ATXN2L: variants seen among roughly 807,000 people sequenced by gnomAD.
ATXN2L encodes the protein ataxin-2-like protein.
In ATXN2L, 24 loss-of-function variants were observed where a neutral mutation model predicts 120.7. The observed-to-expected ratio is 0.20, with a 90% confidence interval of 0.14 to 0.28. The LOEUF is 0.28. Ranked by LOEUF, ATXN2L falls within the 10% of genes least tolerant of loss-of-function variation. The pLI is 1.00. For synonymous variants in ATXN2L, 653 were observed against 568.1 expected (o/e 1.15, Z -2.13); for missense variants, 1,312 against 1,432.3 (o/e 0.92, Z 1.36).
intron 15 of ATXN2L, 25 bp downstream of exon 15, chr16:28,833,533 A>G: frequency 6.2e-7 from 1 of 1,613,160 alleles, no homozygotes; most frequent in Non-Finnish European, 8.5e-7. Context: ...GAGAATGTGG[A>G]CTTTGGTTTC....
intron 7 of ATXN2L, 24 bp from the exon 8 acceptor site, chr16:28,829,834 G>T: frequency 6.2e-7 from 1 of 1,612,544 alleles, no homozygotes. Flanking sequence ...CTGGGATGGT[G>T]GTGGTCTGTG....
intron 6 of ATXN2L, among the ~76,000 whole-genome samples, chr16:28,827,988 C>G (rs529224845): frequency 1.3e-5 from 2 of 152,144 alleles, no homozygotes; most frequent in Non-Finnish European, 2.9e-5. Flanking sequence ...GCTTTTCTTG[C>G]CTTTTCGAAC....
intron 1 of ATXN2L, chr16:28,824,637 A>AATG: frequency 8.5e-7 from 1 of 1,175,034 alleles, no homozygotes; most frequent in South Asian, 1.4e-5. Context: ...GGCTGCTGAA[A>AATG]ATGATTGTCT....
chr16:28,830,870 G>A (rs1226132870), intron 9 of ATXN2L, 80 bp downstream of exon 9: 2 of 1,527,732 alleles, frequency 1.3e-6, no homozygotes, highest in African/African-American at 2.8e-5. Flanking sequence ...AGGGGTTTGG[G>A]TGTGTTGGAA....
intron 15 of ATXN2L, 32 bp downstream of exon 15, chr16:28,833,540 T>C: frequency 1.2e-6 from 2 of 1,610,302 alleles, no homozygotes; most frequent in Non-Finnish European, 1.7e-6. Flanking sequence ...TGGACTTTGG[T>C]TTCTGTGGGG....
intron 5 of ATXN2L, 50 bp downstream of exon 5, chr16:28,826,440 A>G (rs2052003563): frequency 1.9e-6 from 3 of 1,583,116 alleles, no homozygotes; most frequent in Non-Finnish European, 2.6e-6. Flanking sequence ...CATAGAGGAC[A>G]GAGGGTAGTT....
chr16:28,833,367 G>A lies in ATXN2L; in HGVS notation c.1955+13G>A, dbSNP rs548575621. On this transcript the variant is annotated intron_variant, in intron 14 of 21. Transcript: ENST00000336783. ...GCCCTGTTGCTGAGTGAGTGGAGCG[G>A]GGTGGGGCTCTGGGAGGATGGCAGG... 3.1e-6 allele frequency: 5 copies of A among 1,613,648 alleles called. No individual in the cohort carries two copies. The East Asian group carries it at 1.1e-4, about 36-fold the overall frequency.
chr16:28,831,001 G>C lies in ATXN2L; in HGVS notation c.1250G>C (p.Arg417Thr). ...TCCCCAAAGGCACAACGGCCTCTGAGAGGTGCCAAGACTCTGTCTTCGCCC... is the reference window on the plus strand; with the variant it reads ...TCCCCAAAGGCACAACGGCCTCTGACAGGTGCCAAGACTCTGTCTTCGCCC... ...RMSPKAQRPLRGAKTLSSPSN... is the reference protein window; with the variant it reads ...RMSPKAQRPLTGAKTLSSPSN... Residue 417 changes from arginine to threonine, a missense_variant, in exon 10 of 22, where the codon AGA becomes ACA. Physicochemically the swap from Arg to Thr is moderately conservative, Grantham distance 71. Coordinates refer to ENST00000336783, the MANE Select transcript of ATXN2L (RefSeq NM_007245.4). 6.2e-7 allele frequency: 1 copy of C among 1,603,950 alleles called. No homozygotes were observed. The highest frequency in any genetic ancestry group is 8.5e-7 in the Non-Finnish European group (1 of 1,178,032).
chr16:28,833,017 G>A (rs752145919), intron 13 of ATXN2L, 42 bp from the exon 14 acceptor site: 19 of 1,600,862 alleles, frequency 1.2e-5, no homozygotes, highest in Non-Finnish European at 1.5e-5. Context: ...GCCAGGACTA[G>A]GGTCTGGGTC....
Position 28,836,474 on chromosome 16 carries a change from G to A in ATXN2L, c.*209G>A. ...CTCTCAGTGACCCCGACTGTCTCCT[G>A]ACTTAGCCGAGGTAAGGTCAGTGCA... On this transcript the variant is annotated 3_prime_UTR_variant, in exon 22 of 22. Transcript: ENST00000336783. 6.2e-7 allele frequency: 1 copy of A among 1,611,088 alleles called. No homozygotes were observed. The highest frequency in any genetic ancestry group is 1.1e-5 in the South Asian group (1 of 90,756).
At chr16:28,827,046 G>A (rs2052348312) in intron 6 of ATXN2L, 60 bp downstream of exon 6, 1 of 1,352,550 alleles carries the variant, frequency 7.4e-7, no homozygotes, top group African/African-American at 1.5e-5. Flanking sequence ...TGTTGACAGT[G>A]AGGTTCATTT....
intron 5 of ATXN2L, 117 bp from the exon 6 acceptor site, chr16:28,826,745 A>T (rs966282979): frequency 4.7e-5 from 60 of 1,286,482 alleles, no homozygotes; most frequent in Middle Eastern, 2.0e-4. Context: ...GGGCACACGT[A>T]CTCTGGACTT....
In ATXN2L at chr16:28,836,885, C is replaced by G; in HGVS notation, c.*620C>G. The G allele has an allele frequency of 8.2e-7, 1 of 1,213,366 alleles. No homozygotes were observed. Among genetic ancestry groups the G allele is most frequent in the Non-Finnish European group, 1.2e-6 (1 of 846,870 alleles). 75.2% of individuals were successfully genotyped at this position (1,213,366 alleles called of 1,614,324 possible). On this transcript the variant is annotated 3_prime_UTR_variant, in exon 22 of 22. Transcript: ENST00000336783. ...TCCCAGCCCCCCATCCCCCCGTTCCCCAGGGGAGCTGGGGAATTCCTGCCA... is the reference window on the plus strand; with the variant it reads ...TCCCAGCCCCCCATCCCCCCGTTCCGCAGGGGAGCTGGGGAATTCCTGCCA...
At position 28,831,034 on chromosome 16, in the gene ATXN2L, G is replaced by T; in HGVS notation, c.1283G>T (p.Arg428Met). 1 of 1,611,756 alleles carries T rather than the reference G, an allele frequency of 6.2e-7. No individual in the cohort carries two copies. The change falls in exon 10 of 22, where the codon AGG becomes ATG. Residue 428 changes from arginine (R) to methionine (M), a missense_variant. Coordinates refer to ENST00000336783, the MANE Select transcript of ATXN2L (RefSeq NM_007245.4). ...AAGACTCTGTCTTCGCCCAGTAATA[G>T]GCCTTCTGGAGAAACTTCTGTTCCA... ...GAKTLSSPSN[R>M]PSGETSVPPP... is the part of the protein sequence containing the mutation.
In ATXN2L at chr16:28,826,743, G is replaced by A. The variant is rs117657326; in HGVS notation, c.617-119G>A. On this transcript the variant is annotated intron_variant, in intron 5 of 21. Transcript: ENST00000336783. ...TGGCCATCCTAACACACGGGCACAC[G>A]TACTCTGGACTTCTTAAACTTTGTT... is the stretch of plus-strand genomic sequence containing the variant. 1,828 of 1,266,148 alleles carry A rather than the reference G, an allele frequency of 1.4e-3. 39 individuals are homozygous for A. In the Admixed American group the frequency reaches 0.034, roughly 24 times the overall value. 78.4% of individuals were successfully genotyped at this position (1,266,148 alleles called of 1,614,324 possible).
chr16:28,823,216 C>G lies in ATXN2L; in HGVS notation c.-44C>G. 3.2e-6 allele frequency: 4 copies of G among 1,239,608 alleles called. No homozygotes were observed. Among genetic ancestry groups the G allele is most frequent in the Non-Finnish European group, 4.2e-6 (4 of 957,428 alleles). The allele number at this position is 1,239,608 out of a possible 1,614,324, so 76.8% of individuals were successfully genotyped here. A position where few individuals can be genotyped will look rare whatever the true frequency, so the allele number is the denominator to read the frequency against. ...AGCGGGGCCCCAGCCCCGGCCCCCTCTCTCCCTCCCTTCTCTCTAATTCCC... is the reference window on the plus strand; with the variant it reads ...AGCGGGGCCCCAGCCCCGGCCCCCTGTCTCCCTCCCTTCTCTCTAATTCCC... On this transcript the variant is annotated 5_prime_UTR_variant, in exon 1 of 22. Coordinates refer to ENST00000336783, the MANE Select transcript of ATXN2L (RefSeq NM_007245.4).
At chr16:28,827,574 A>G (rs1222362984) in intron 6 of ATXN2L, among the ~76,000 whole-genome samples, 2 of 152,128 alleles carry the variant, frequency 1.3e-5, no homozygotes, top group African/African-American at 2.4e-5. Context: ...ACTCTGAGGC[A>G]TTTAAAATCT....
At chr16:28,824,596 A>T (rs944298846) in intron 1 of ATXN2L, 2 of 1,242,272 alleles carry the variant, frequency 1.6e-6, no homozygotes, top group Non-Finnish European at 1.0e-6. Context: ...TGTGGAGGGG[A>T]TACCCCTCCT....
chr16:28,836,854 G>T lies in ATXN2L; in HGVS notation c.*589G>T. ...CTATGTCTCTTCCCCCAGCAGCTCGGACCACTCCCAGCCCCCCATCCCCCC... is the reference window on the plus strand; with the variant it reads ...CTATGTCTCTTCCCCCAGCAGCTCGTACCACTCCCAGCCCCCCATCCCCCC... On this transcript the variant is annotated 3_prime_UTR_variant, in exon 22 of 22. Transcript: ENST00000336783. The T allele has an allele frequency of 6.5e-7, 1 of 1,535,688 alleles. No individual in the cohort carries two copies. The highest frequency in any genetic ancestry group is 1.7e-4 in the Middle Eastern group (1 of 5,890).
Sources: allele counts gnomAD v4.1 joint callset (sites outside exome capture counted in the v4.1 genomes callset), GRCh38; gene constraint gnomAD v4.1.1; transcripts MANE v1.5; gene names NCBI Gene and HGNC (gene_info 2026-07-23, HGNC 2026-07-21).